The following PARD3B variants were observed in gnomAD, a reference collection of about 807,000 sequenced individuals.
The protein encoded by PARD3B is partitioning defective 3 homolog B.
Under a neutral mutation model 130.2 loss-of-function variants are expected in PARD3B, and 103 were observed. That is an observed-to-expected ratio of 0.79 (90% confidence interval 0.67 to 0.93). PARD3B has a LOEUF of 0.93. PARD3B is among the 40% of genes least tolerant of loss of function. The pLI, the probability that PARD3B is intolerant of heterozygous loss-of-function variation, is 0.00. For missense variants in PARD3B, 1,609 were observed against 1,499.2 expected (o/e 1.07, Z -1.21); for synonymous variants, 583 against 553.2 (o/e 1.05, Z -0.76).
rs2041173994 is a variant in PARD3B at position 205,281,194 on chromosome 2, A to G, written c.2186-19336A>G. 6.6e-6 allele frequency among the ~76,000 whole-genome samples: 1 copy of G among 152,224 alleles called. No homozygotes were observed. Among genetic ancestry groups the G allele is most frequent in the South Asian group, 2.1e-4 (1 of 4,828 alleles). Reference sequence around the variant, plus strand: ...AAGGGTATAAGATTCCATGACTGTGATAGCAGACAGGTGCAAGAAAGAAGG... The same window carrying G: ...AAGGGTATAAGATTCCATGACTGTGGTAGCAGACAGGTGCAAGAAAGAAGG... On this transcript the variant is annotated intron_variant, in intron 16 of 22. Transcript: ENST00000406610. The surrounding 1 kb of genome is among the most constrained non-coding windows in gnomAD (Gnocchi z 4.2).
intron 4 of PARD3B, among the ~76,000 whole-genome samples, chr2:205,052,767 A>G: frequency 6.6e-6 from 1 of 152,176 alleles, no homozygotes; most frequent in East Asian, 1.9e-4. Context: ...TCATCATATT[A>G]TCACCTGTTT....
At chr2:205,324,470 A>G (rs1330524664) in intron 18 of PARD3B, among the ~76,000 whole-genome samples, 1 of 152,218 alleles carries the variant, frequency 6.6e-6, no homozygotes, top group Non-Finnish European at 1.5e-5. Flanking sequence ...TCAAGAAAGT[A>G]ACTGAAATTT....
At chr2:204,841,113 C>G (rs1378061544) in intron 2 of PARD3B, among the ~76,000 whole-genome samples, 1 of 152,118 alleles carries the variant, frequency 6.6e-6, no homozygotes, top group East Asian at 1.9e-4. Flanking sequence ...GAAGCTTGTT[C>G]TGCAACTCGG....
intron 14 of PARD3B, among the ~76,000 whole-genome samples, chr2:205,191,676 A>G (rs2036404818): frequency 6.6e-6 from 1 of 152,206 alleles, no homozygotes; most frequent in Non-Finnish European, 1.5e-5. Context: ...CACTCATTCT[A>G]TTCTCTCAAC....
intron 3 of PARD3B, among the ~76,000 whole-genome samples, chr2:204,990,211 A>AT (rs1255095279): frequency 6.6e-6 from 1 of 151,724 alleles, no homozygotes; most frequent in Non-Finnish European, 1.5e-5. Flanking sequence ...TCCTGGTAAG[A>AT]TTTTTGACAA....
intron 1 of PARD3B, among the ~76,000 whole-genome samples, chr2:204,635,477 T>C (rs2034843670): frequency 6.6e-6 from 1 of 152,224 alleles, no homozygotes; most frequent in South Asian, 2.1e-4. Context: ...TGCAGACTCT[T>C]CTCTAATGTA....
intron 20 of PARD3B, among the ~76,000 whole-genome samples, chr2:205,488,676 A>AAAGTTTT (rs1397123065): frequency 6.6e-6 from 1 of 152,180 alleles, no homozygotes; most frequent in African/African-American, 2.4e-5. Context: ...TAAACGCTGA[A>AAAGTTTT]ATGATGTTCA....
intron 3 of PARD3B, among the ~76,000 whole-genome samples, chr2:204,991,487 T>C (rs1257079421): frequency 1.4e-5 from 2 of 142,460 alleles, no homozygotes; most frequent in Non-Finnish European, 3.0e-5. Flanking sequence ...TGTTGGACAT[T>C]TGGCTTGGTT....
chr2:204,794,065 A>G (rs2042286870), intron 2 of PARD3B, among the ~76,000 whole-genome samples: 1 of 152,182 alleles, frequency 6.6e-6, no homozygotes, highest in Non-Finnish European at 1.5e-5. Context: ...GGAGATTGAA[A>G]TAGGCTTTAC....
In PARD3B at chr2:205,101,401, A is replaced by G. The variant is rs115337714; in HGVS notation, c.505-3025A>G. Among the ~76,000 whole-genome samples the G allele has an allele frequency of 7.9e-3, 1,197 of 152,358 alleles. 14 individuals are homozygous for G. The highest frequency in any genetic ancestry group is 0.027 in the African/African-American group (1,128 of 41,580). ...AATGAAAATAAGTTGTGGCAAGTCT[A>G]TGGAGATATTAAAACCCTCATGTAT... On this transcript the variant is annotated intron_variant, in intron 4 of 22. Coordinates refer to ENST00000406610, the MANE Select transcript of PARD3B (RefSeq NM_001302769.2).
At chr2:205,124,609 A>AT in intron 9 of PARD3B, 143 bp downstream of exon 9, 1 of 607,990 alleles carries the variant, frequency 1.6e-6, no homozygotes, top group Non-Finnish European at 2.2e-6. Context: ...TATAGACAAG[A>AT]TAAGAACTTT....
rs868822044 is a variant in PARD3B at position 205,587,295 on chromosome 2, G to A, written c.3261-28161G>A. 9.1e-5 allele frequency among the ~76,000 whole-genome samples: 13 copies of A among 142,842 alleles called. 1 individual carries two copies. The highest frequency in any genetic ancestry group is 3.4e-4 in the African/African-American group (13 of 38,570). 93.7% of individuals were successfully genotyped at this position (142,842 alleles called of 152,430 possible). On this transcript the variant is annotated intron_variant, in intron 22 of 22. Transcript: ENST00000406610. ...ACAATTATATTTGCGGTGTAGATTC[G>A]GTTTTGCTTCTTAGCATTTTTATGA...
chr2:204,859,477 A>G (rs1405205118), intron 2 of PARD3B, among the ~76,000 whole-genome samples: 1 of 152,212 alleles, frequency 6.6e-6, no homozygotes, highest in Non-Finnish European at 1.5e-5. Context: ...AGACATGCCT[A>G]TGGTGTACAT....
intron 2 of PARD3B, among the ~76,000 whole-genome samples, chr2:204,818,581 T>C (rs1462479082): frequency 6.6e-6 from 1 of 152,202 alleles, no homozygotes; most frequent in African/African-American, 2.4e-5. Flanking sequence ...ATTGCATATA[T>C]TAATGCTATT....
intron 1 of PARD3B, among the ~76,000 whole-genome samples, chr2:204,615,809 G>T (rs2034091305): frequency 6.6e-6 from 1 of 152,030 alleles, no homozygotes; most frequent in African/African-American, 2.4e-5. Context: ...TTTCCTGAAG[G>T]TAACTCTCAT....
intron 2 of PARD3B, among the ~76,000 whole-genome samples, chr2:204,928,876 G>T (rs992832878): frequency 1.4e-4 from 22 of 152,190 alleles, no homozygotes; most frequent in African/African-American, 5.3e-4. Flanking sequence ...AAATGGAGCA[G>T]GTGAGGGTCA....
In PARD3B at chr2:205,119,807, T is replaced by C. The variant is rs149247483; in HGVS notation, c.806+761T>C. ...CAAAATAAATAAATAAATAATACTGTCTCCCTCAAGAAATCATCTTTCTGC... is the reference window on the plus strand; with the variant it reads ...CAAAATAAATAAATAAATAATACTGCCTCCCTCAAGAAATCATCTTTCTGC... On this transcript the variant is annotated intron_variant, in intron 7 of 22. Transcript: ENST00000406610. Among the ~76,000 whole-genome samples the C allele has an allele frequency of 7.1e-3, 1,077 of 152,046 alleles. 13 individuals carry two copies. The highest frequency in any genetic ancestry group is 0.025 in the African/African-American group (1,016 of 41,442).
At chr2:205,573,205 G>A (rs1276454689) in intron 22 of PARD3B, among the ~76,000 whole-genome samples, 4 of 152,138 alleles carry the variant, frequency 2.6e-5, no homozygotes, top group African/African-American at 9.7e-5. Flanking sequence ...GATTTGGGTG[G>A]GGACATACAA....
intron 1 of PARD3B, among the ~76,000 whole-genome samples, chr2:204,566,866 A>G (rs1574472986): frequency 6.7e-6 from 1 of 149,408 alleles, no homozygotes; most frequent in Non-Finnish European, 1.5e-5. Context: ...GTAGGAAAGC[A>G]GGCTTTCTAA....
Sources: allele counts gnomAD v4.1 joint callset (sites outside exome capture counted in the v4.1 genomes callset), GRCh38; gene constraint gnomAD v4.1.1; non-coding constraint Gnocchi (gnomAD v3.1); transcripts MANE v1.5; gene names NCBI Gene and HGNC (gene_info 2026-07-23, HGNC 2026-07-21).